The following FNBP4 variants were observed in gnomAD, a reference collection of about 807,000 sequenced individuals.
FNBP4 encodes formin-binding protein 4.
A neutral mutation model predicts 119.3 loss-of-function variants in FNBP4; 34 were observed. The ratio of observed to expected loss-of-function variants is 0.28; its 90% CI spans 0.22 to 0.38. The LOEUF (loss-of-function observed/expected upper bound fraction) is 0.38. Ranked by LOEUF, FNBP4 falls within the 10% of genes least tolerant of loss-of-function variation. The pLI, the probability that FNBP4 is intolerant of heterozygous loss-of-function variation, is 1.00. For missense variants in FNBP4, 1,112 were observed against 1,228.9 expected (o/e 0.90, Z 1.42); for synonymous variants, 462 against 430.6 (o/e 1.07, Z -0.90).
chr11:47,734,980 C>CA (rs1378394324), intron 9 of FNBP4, among the ~76,000 whole-genome samples: 18 of 102,402 alleles, frequency 1.8e-4, no homozygotes, highest in African/African-American at 3.9e-4. Flanking sequence ...ACCCCAACAC[C>CA]CCCCCCCCCA....
At position 47,746,344 on chromosome 11, in the gene FNBP4, T is replaced by C; in HGVS notation, c.957A>G (p.Lys319=). 7 of 1,613,632 alleles carry C rather than the reference T, an allele frequency of 4.3e-6. No homozygotes were observed. The highest frequency in any genetic ancestry group is 5.9e-6 in the Non-Finnish European group (7 of 1,179,954). ...GAGCAAGCAGCGATGCTGCCACCCC[T>C]TTCTTCTCCTCCTCACTATTTGAGA... ...QALSNSEEEK[K]GVAASLLAPL... The change falls in exon 7 of 17, where the codon AAA becomes AAG. Residue 319 remains lysine, a synonymous_variant. Transcript: ENST00000263773.
At chr11:47,758,520 C>T (rs942170401) in intron 2 of FNBP4, among the ~76,000 whole-genome samples, 3 of 152,040 alleles carry the variant, frequency 2.0e-5, no homozygotes, top group African/African-American at 7.2e-5. Flanking sequence ...TAGGTGTGAG[C>T]CACCTCACCT....
intron 2 of FNBP4, among the ~76,000 whole-genome samples, chr11:47,762,141 T>TC (rs1210323286): frequency 1.3e-5 from 2 of 150,658 alleles, no homozygotes; most frequent in Admixed American, 1.3e-4. Context: ...TCTGGCTGTT[T>TC]TTTTTTTTTG....
intron 1 of FNBP4, among the ~76,000 whole-genome samples, chr11:47,765,579 GGGGC>G (rs1485287901): frequency 0.035 from 3,003 of 85,792 alleles, 356 homozygotes; most frequent in African/African-American, 0.083. Flanking sequence ...GGGGGGGGGG[GGGGC>G]CACTTGAGGT....
intron 15 of FNBP4, among the ~76,000 whole-genome samples, chr11:47,721,092 CGGGA>C (rs745511783): frequency 4.6e-5 from 7 of 151,208 alleles, no homozygotes; most frequent in Non-Finnish European, 2.9e-5. Flanking sequence ...GAGGCCGAGG[CGGGA>C]GGATCACGAG....
At chr11:47,717,934 A>T (rs2045615) in intron 16 of FNBP4, among the ~76,000 whole-genome samples, 119,817 of 145,198 alleles carry the variant, frequency 0.83, 48,488 homozygotes, top group Middle Eastern at 0.9. Context: ...TTTTTTTTTT[A>T]AGTAGCGACA....
chr11:47,767,334 C>A lies in FNBP4; in HGVS notation c.-46G>T, dbSNP rs1298243015. On this transcript the variant is annotated 5_prime_UTR_variant, in exon 1 of 17. Transcript: ENST00000263773. The stretch of plus-strand genomic sequence containing the variant: ...GAGAGCGTCGGGCGGCCGAGAGGGG[C>A]GGGCACTGGAGGCTGGGCGCTGGGC... 3.5e-6 allele frequency: 5 copies of A among 1,429,790 alleles called. No individual in the cohort carries two copies. The highest frequency in any genetic ancestry group is 4.6e-6 in the Non-Finnish European group (5 of 1,096,738). The allele number at this position is 1,429,790 out of a possible 1,614,324, so 88.6% of individuals were successfully genotyped here. A position where few individuals can be genotyped will look rare whatever the true frequency, so the allele number is the denominator to read the frequency against.
Position 47,732,398 on chromosome 11 carries a change from G to A in FNBP4, c.1820+139C>T, listed in dbSNP as rs550768058. ...GTGGCTGGCCAAACTTTGTGCTTGCGGTGCTTTGCCTGCCCAGCACCGCTA... is the reference window on the plus strand; with the variant it reads ...GTGGCTGGCCAAACTTTGTGCTTGCAGTGCTTTGCCTGCCCAGCACCGCTA... On this transcript the variant is annotated intron_variant, in intron 11 of 16. Transcript: ENST00000263773. This position sits in a 1 kb window ranked among gnomAD's most constrained non-coding sequence, Gnocchi z 4.2. 49 of 1,514,420 alleles carry A rather than the reference G, an allele frequency of 3.2e-5. No individual in the cohort carries two copies. The African/African-American group carries it at 4.9e-4, about 15-fold the overall frequency. 93.8% of individuals were successfully genotyped at this position (1,514,420 alleles called of 1,614,324 possible).
chr11:47,721,140 T>C (rs1188725704), intron 15 of FNBP4, among the ~76,000 whole-genome samples: 4 of 150,062 alleles, frequency 2.7e-5, no homozygotes, highest in Non-Finnish European at 5.9e-5. Context: ...GCTAACACGG[T>C]GAAACCCCGT....
intron 2 of FNBP4, among the ~76,000 whole-genome samples, chr11:47,759,260 G>A (rs1176757746): frequency 1.3e-5 from 2 of 151,166 alleles, no homozygotes; most frequent in Non-Finnish European, 2.9e-5. Context: ...TGCCCAGGCT[G>A]GAGTGCAATG....
intron 7 of FNBP4, 112 bp from the exon 8 acceptor site, chr11:47,744,275 G>A: frequency 2.8e-6 from 3 of 1,069,838 alleles, no homozygotes; most frequent in Admixed American, 5.0e-5. Context: ...AGAACAGAAA[G>A]CACTTTTTTT....
At position 47,740,047 on chromosome 11, in the gene FNBP4, G is replaced by A. The variant is rs562451076; in HGVS notation, c.1457-3307C>T. ...ACTCTCAATCTCGGGTGATCCGTCTGTCTCGGTCTCCCAAAGTGCTTGGAT... is the reference window on the plus strand; with the variant it reads ...ACTCTCAATCTCGGGTGATCCGTCTATCTCGGTCTCCCAAAGTGCTTGGAT... On this transcript the variant is annotated intron_variant, in intron 8 of 16. Transcript: ENST00000263773. Among the ~76,000 whole-genome samples, 44 of 152,006 alleles carry A rather than the reference G, an allele frequency of 2.9e-4. No individual in the cohort carries two copies. In the South Asian group the frequency reaches 2.9e-3, roughly 10 times the overall value.
chr11:47,735,822 G>C (rs1254947922), intron 9 of FNBP4, among the ~76,000 whole-genome samples: 1 of 152,142 alleles, frequency 6.6e-6, no homozygotes, highest in African/African-American at 2.4e-5. Context: ...GCTCATGCCT[G>C]TAATCCCAGC....
At chr11:47,753,917 A>G (rs1352640896) in intron 3 of FNBP4, among the ~76,000 whole-genome samples, 1 of 152,136 alleles carries the variant, frequency 6.6e-6, no homozygotes, top group African/African-American at 2.4e-5. Context: ...AAGCTTTACA[A>G]AAAGAAAAGG....
chr11:47,732,804 A>C lies in FNBP4; in HGVS notation c.1687-134T>G. 1.3e-6 allele frequency: 1 copy of C among 794,672 alleles called. No homozygotes were observed. The highest frequency in any genetic ancestry group is 2.0e-6 in the Non-Finnish European group (1 of 497,120). 49.2% of individuals were successfully genotyped at this position (794,672 alleles called of 1,614,324 possible). ...GGACAGTAGACCAGAGAGGAAAATAAACCCCATCTTCATCTCATAAAATAA... is the reference window on the plus strand; with the variant it reads ...GGACAGTAGACCAGAGAGGAAAATACACCCCATCTTCATCTCATAAAATAA... On this transcript the variant is annotated intron_variant, in intron 10 of 16. Transcript: ENST00000263773. This position sits in a 1 kb window ranked among gnomAD's most constrained non-coding sequence, Gnocchi z 4.2.
intron 12 of FNBP4, chr11:47,725,904 G>A (rs1392537101): frequency 1.8e-6 from 1 of 543,418 alleles, no homozygotes; most frequent in Admixed American, 6.4e-5. Context: ...CTCAGTTAAA[G>A]GTAATGAAAC....
rs2135313754 is a variant in FNBP4 at position 47,767,158 on chromosome 11, G to A, written c.131C>T (p.Ala44Val). 6.5e-7 allele frequency: 1 copy of A among 1,547,512 alleles called. No homozygotes were observed. Among genetic ancestry groups the A allele is most frequent in the African/African-American group, 1.4e-5 (1 of 72,298 alleles). ...EPDTEPDSTA[A>V]VPSQPAPSAA... ...CGACGGGGCGGGCTGGCTGGGGACC[G>A]CCGCGGTTGAGTCCGGCTCAGTGTC... Residue 44 changes from alanine (A) to valine (V), a missense_variant, in exon 1 of 17, where the codon GCG becomes GTG. Coordinates refer to ENST00000263773, the MANE Select transcript of FNBP4 (RefSeq NM_015308.5).
At position 47,724,613 on chromosome 11, in the gene FNBP4, G is replaced by C. The variant is rs2097559066; in HGVS notation, c.2174C>G (p.Pro725Arg). ...PPPPPESPPP[P>R]PPPPPPAEDG... ...TTCCGCAGGAGGAGGTGGTGGAGGA[G>C]GGGGTGGAGGTGATTCTGGAGGTGG... Residue 725 changes from proline (P) to arginine (R), a missense_variant, in exon 13 of 17, where the codon CCT becomes CGT. Physicochemically the swap from Pro to Arg is moderately radical, Grantham distance 103. Coordinates refer to ENST00000263773, the MANE Select transcript of FNBP4 (RefSeq NM_015308.5). 2 of 1,613,840 alleles carry C rather than the reference G, an allele frequency of 1.2e-6. No individual in the cohort carries two copies. Among genetic ancestry groups the C allele is most frequent in the African/African-American group, 1.3e-5 (1 of 75,006 alleles).
chr11:47,742,186 A>G (rs1166104575), intron 8 of FNBP4, among the ~76,000 whole-genome samples: 1 of 152,108 alleles, frequency 6.6e-6, no homozygotes, highest in Non-Finnish European at 1.5e-5. Context: ...TAAAGGACAG[A>G]GAAAATAGCT....
Sources: allele counts gnomAD v4.1 joint callset (sites outside exome capture counted in the v4.1 genomes callset), GRCh38; gene constraint gnomAD v4.1.1; non-coding constraint Gnocchi (gnomAD v3.1); transcripts MANE v1.5; gene names NCBI Gene and HGNC (gene_info 2026-07-23, HGNC 2026-07-21).